Variants in DAB1 observed in about 807,000 individuals in gnomAD.
DAB1 encodes disabled homolog 1.
A neutral mutation model predicts 64.6 loss-of-function variants in DAB1; 15 were observed. That is an observed-to-expected ratio of 0.23 (90% CI 0.16 to 0.36). DAB1 has a LOEUF of 0.36. DAB1 is among the 10% of genes least tolerant of loss of function. DAB1 has a pLI of 1.00. For synonymous variants in DAB1, 235 were observed against 251.9 expected (o/e 0.93, Z 0.64); for missense variants, 596 against 706.7 (o/e 0.84, Z 1.78).
intron 1 of DAB1, among the ~76,000 whole-genome samples, chr1:58,529,967 G>A (rs1002223825): frequency 8.6e-5 from 13 of 151,944 alleles, no homozygotes; most frequent in Non-Finnish European, 1.6e-4. Flanking sequence ...AGCAAGCTCT[G>A]CCTCCTGGGT....
intron 4 of DAB1, among the ~76,000 whole-genome samples, chr1:58,249,296 T>C (rs567716610): frequency 6.6e-6 from 1 of 152,082 alleles, no homozygotes; most frequent in African/African-American, 2.4e-5. Context: ...AGCCCTATCT[T>C]TTCGGAACAG....
chr1:57,568,814 T>G (rs1354634894), intron 7 of DAB1, among the ~76,000 whole-genome samples: 1 of 151,988 alleles, frequency 6.6e-6, no homozygotes, highest in African/African-American at 2.4e-5. Context: ...ATAGGAACAC[T>G]TTTACACTGT....
At chr1:58,119,171 T>C (rs1300610174) in intron 5 of DAB1, among the ~76,000 whole-genome samples, 9 of 152,122 alleles carry the variant, frequency 5.9e-5, no homozygotes. Flanking sequence ...TGCAATCTCT[T>C]GTCTGAATTA....
intron 9 of DAB1, among the ~76,000 whole-genome samples, chr1:57,038,065 G>A (rs1647252067): frequency 6.6e-6 from 1 of 151,876 alleles, no homozygotes; most frequent in Non-Finnish European, 1.5e-5. Flanking sequence ...CTACAGTATT[G>A]GACAGCACGA....
At chr1:57,896,540 A>G (rs890338345) in intron 5 of DAB1, among the ~76,000 whole-genome samples, 1 of 152,098 alleles carries the variant, frequency 6.6e-6, no homozygotes, top group Non-Finnish European at 1.5e-5. Flanking sequence ...GAAATCTGAG[A>G]CAGACTTCAG....
At chr1:58,144,625 T>C (rs1487650530) in intron 5 of DAB1, among the ~76,000 whole-genome samples, 1 of 152,246 alleles carries the variant, frequency 6.6e-6, no homozygotes, top group Non-Finnish European at 1.5e-5. Flanking sequence ...GTCGCAAAGT[T>C]GGTAAGCCAT....
chr1:57,614,245 C>T (rs1645762428), intron 7 of DAB1, among the ~76,000 whole-genome samples: 1 of 152,220 alleles, frequency 6.6e-6, no homozygotes, highest in East Asian at 1.9e-4. Flanking sequence ...TCAATGTTCA[C>T]AGCAAATTCA....
At chr1:57,272,341 T>A (rs1166520043) in intron 2 of DAB1, among the ~76,000 whole-genome samples, 1 of 152,186 alleles carries the variant, frequency 6.6e-6, no homozygotes, top group Non-Finnish European at 1.5e-5. Flanking sequence ...TATTGCCACA[T>A]CTAGCACAGA....
chr1:57,302,543 T>C (rs958853913), intron 1 of DAB1, among the ~76,000 whole-genome samples: 1 of 152,080 alleles, frequency 6.6e-6, no homozygotes, highest in Non-Finnish European at 1.5e-5. Context: ...GAGGAGCTGA[T>C]GCCCATCCCT....
chr1:57,796,721 TCTGGAAC>T (rs769244625), intron 6 of DAB1, among the ~76,000 whole-genome samples: 1 of 152,090 alleles, frequency 6.6e-6, no homozygotes, highest in Non-Finnish European at 1.5e-5. Flanking sequence ...TGCTTTGGCC[TCTGGAAC>T]CATCAGCCTT....
chr1:58,138,605 C>T (rs1654085534), intron 5 of DAB1, among the ~76,000 whole-genome samples: 1 of 152,104 alleles, frequency 6.6e-6, no homozygotes, highest in Admixed American at 6.6e-5. Flanking sequence ...GGGGGATTGT[C>T]ATGGCACCTG....
intron 7 of DAB1, among the ~76,000 whole-genome samples, chr1:57,548,463 T>C (rs1000228198): frequency 4.2e-5 from 5 of 120,298 alleles, no homozygotes; most frequent in African/African-American, 1.2e-4. Flanking sequence ...TTTTTGTATA[T>C]ACAAAATCTG....
chr1:57,830,204 A>G (rs1652526626), intron 1 of DAB1, among the ~76,000 whole-genome samples: 2 of 152,202 alleles, frequency 1.3e-5, no homozygotes, highest in South Asian at 4.1e-4. Context: ...CTCAACTTAG[A>G]TGCCCTGAGC....
intron 3 of DAB1, among the ~76,000 whole-genome samples, chr1:58,360,455 T>A (rs1644154606): frequency 6.6e-6 from 1 of 152,172 alleles, no homozygotes; most frequent in South Asian, 2.1e-4. Context: ...TTGATACGGA[T>A]CCCTGACCAG....
Position 57,929,608 on chromosome 1 carries a change from A to G in DAB1, n.388-45446T>C, listed in dbSNP as rs12087233. On this transcript the variant is annotated intron_variant and non_coding_transcript_variant, in intron 5 of 20. Transcript: ENST00000485760. ...TATAAAGGAATATCTGAGTCTGGGT[A>G]ATTTTAAAACAGGTTTAGTTAGCCC... is the stretch of plus-strand genomic sequence containing the variant. 5.4e-3 allele frequency among the ~76,000 whole-genome samples: 825 copies of G among 152,292 alleles called. 13 individuals carry two copies. The highest frequency in any genetic ancestry group is 0.019 in the African/African-American group (789 of 41,540).
intron 1 of DAB1, among the ~76,000 whole-genome samples, chr1:57,831,408 G>C (rs1652581363): frequency 6.6e-6 from 1 of 152,088 alleles, no homozygotes; most frequent in African/African-American, 2.4e-5. Context: ...TTAAGATGTT[G>C]AGTTCTGTGA....
At chr1:57,341,809 G>A (rs367898463) in intron 1 of DAB1, among the ~76,000 whole-genome samples, 75 of 152,228 alleles carry the variant, frequency 4.9e-4, no homozygotes, top group African/African-American at 1.8e-3. Flanking sequence ...TCATCTAATG[G>A]TCAAACAGGT....
Position 57,720,656 on chromosome 1 carries a change from G to A in DAB1, n.552-70991C>T, listed in dbSNP as rs72912497. On this transcript the variant is annotated intron_variant and non_coding_transcript_variant, in intron 6 of 20. Coordinates refer to the DAB1 transcript ENST00000485760. ...CTAATAGTGTTGTAGTGAGGCATAA[G>A]ATAATATCAAGTGCTTTGGCACAAT... Among the ~76,000 whole-genome samples, 331 of 152,334 alleles carry A rather than the reference G, an allele frequency of 2.2e-3. 1 individual carries two copies. Among genetic ancestry groups the A allele is most frequent in the African/African-American group, 7.4e-3 (307 of 41,576 alleles).
chr1:57,676,980 A>T (rs1274279360), intron 6 of DAB1, among the ~76,000 whole-genome samples: 1 of 152,214 alleles, frequency 6.6e-6, no homozygotes, highest in East Asian at 1.9e-4. Flanking sequence ...CCTAAGCTCC[A>T]TTGTGACTGT....
Sources: allele counts gnomAD v4.1 joint callset (sites outside exome capture counted in the v4.1 genomes callset), GRCh38; gene constraint gnomAD v4.1.1; transcripts MANE v1.5; gene names NCBI Gene and HGNC (gene_info 2026-07-23, HGNC 2026-07-21).